Variants in RREB1 observed in about 807,000 individuals in gnomAD.
RREB1 encodes ras-responsive element-binding protein 1.
RREB1 carries 27 observed loss-of-function variants against 117.8 expected under a neutral mutation model. That is an observed-to-expected ratio of 0.23 (90% CI 0.17 to 0.32). The LOEUF is 0.32. Among genes scored for constraint, RREB1 ranks in the 10% least tolerant of loss-of-function variants. RREB1 has a pLI of 1.00. For missense variants in RREB1, 2,577 were observed against 2,378.2 expected, an observed-to-expected ratio of 1.08 and a Z score of -1.74; for synonymous variants, 1,298 against 1,026.7, an observed-to-expected ratio of 1.26 and a Z score of -5.05.
intron 9 of RREB1, among the ~76,000 whole-genome samples, chr6:7,227,749 G>A (rs1042548633): frequency 7.2e-5 from 11 of 152,092 alleles, no homozygotes; most frequent in Non-Finnish European, 1.5e-4. Flanking sequence ...TATATTCACT[G>A]CTAATAAAGC....
rs372258825 is a variant in RREB1, at chr6:7,230,023, C to A, written c.1924C>A (p.Leu642Ile). 2.5e-6 allele frequency: 4 copies of A among 1,611,206 alleles called. No individual in the cohort carries two copies. Among genetic ancestry groups the A allele is most frequent in the East Asian group, 2.2e-5 (1 of 44,782 alleles). ...GAAGACGCCCGCCATGCGCAAGGTG[C>A]TCTACCCCTGCCGCTTCTGCAACCA... ...GKKTPAMRKV[L>I]YPCRFCNQVF... Residue 642 changes from leucine (L) to isoleucine (I), a missense_variant, in exon 10 of 13, where the codon CTC becomes ATC. Leu to Ile is a conservative substitution (Grantham distance 5). Coordinates refer to ENST00000379938, the MANE Select transcript of RREB1 (RefSeq NM_001003699.4).
intron 11 of RREB1, among the ~76,000 whole-genome samples, 154 bp downstream of exon 11, chr6:7,240,756 C>G (rs1429927118): frequency 6.6e-6 from 1 of 152,164 alleles, no homozygotes; most frequent in Non-Finnish European, 1.5e-5. Context: ...AAGGCAGGCC[C>G]TGCTGATGAT....
rs772036564 is a variant in RREB1, at chr6:7,230,868, T to G, written c.2769T>G (p.Ser923=). 11 of 1,614,110 alleles carry G rather than the reference T, an allele frequency of 6.8e-6. No individual in the cohort carries two copies. In the East Asian group the frequency reaches 1.8e-4, roughly 26 times the overall value. The change falls in exon 10 of 13, where the codon TCT becomes TCG. Residue 923 remains serine, a synonymous_variant. Transcript: ENST00000379938. ...AAAACATCTCCTTTCTGAGCCCTTC[T>G]TCCCTGGTCCCCTATGACTGCTCCA... ...KQENISFLSP[S]SLVPYDCSME... is the part of the protein sequence containing the mutation.
Position 7,248,609 on chromosome 6 carries a change from A to G in RREB1, c.4870A>G (p.Lys1624Glu). 6.2e-7 allele frequency: 1 copy of G among 1,614,258 alleles called. No individual in the cohort carries two copies. The highest frequency in any genetic ancestry group is 8.5e-7 in the Non-Finnish European group (1 of 1,180,056). ...GATCCACCAGAAAGCCAGGCATGCC[A>G]AACACCACGGGAAGGACAGCGACAA... ...QRIHQKARHA[K>E]HHGKDSDKEE... The change falls in exon 13 of 13, where the codon AAA (lysine) becomes GAA (glutamate). Residue 1624 changes from lysine (K) to glutamate (E), a missense_variant. Physicochemically the swap from Lys to Glu is moderately conservative, Grantham distance 56. Coordinates refer to ENST00000379938, the MANE Select transcript of RREB1 (RefSeq NM_001003699.4).
intron 1 of RREB1, among the ~76,000 whole-genome samples, chr6:7,135,746 T>C (rs573562901): frequency 6.6e-6 from 1 of 152,306 alleles, no homozygotes; most frequent in South Asian, 2.1e-4. Context: ...TCAAAAACAT[T>C]TAACATGATC....
chr6:7,211,860 GA>G, intron 8 of RREB1, 151 bp downstream of exon 8: 14 of 796,490 alleles, frequency 1.8e-5, no homozygotes, highest in Admixed American at 2.7e-5. Context: ...TCGGTGTGGG[GA>G]AAAAGTTGGC....
intron 11 of RREB1, among the ~76,000 whole-genome samples, chr6:7,243,665 G>A (rs998923387): frequency 6.6e-6 from 1 of 152,164 alleles, no homozygotes; most frequent in African/African-American, 2.4e-5. Context: ...CCCCCTAGTG[G>A]GAGTTTGGTA....
chr6:7,164,870 C>T (rs1176872477), intron 1 of RREB1, among the ~76,000 whole-genome samples: 4 of 152,252 alleles, frequency 2.6e-5, no homozygotes, highest in Non-Finnish European at 5.9e-5. Flanking sequence ...TGGTGTTCTG[C>T]TTTCAGTTCC....
chr6:7,152,315 T>A (rs1393573312), intron 1 of RREB1, among the ~76,000 whole-genome samples: 1 of 152,206 alleles, frequency 6.6e-6, no homozygotes, highest in Non-Finnish European at 1.5e-5. Flanking sequence ...TTCTTATAAG[T>A]GGTGTATTAC....
At chr6:7,211,045 TACATCCTAAGCTCTTA>T in intron 7 of RREB1, 97 bp downstream of exon 7, 1 of 1,238,142 alleles carries the variant, frequency 8.1e-7, no homozygotes, top group South Asian at 1.4e-5. Context: ...TTGGCAGACA[TACATCCTAAGCTCTTA>T]ACGTGTGTTT....
At chr6:7,165,075 C>T (rs1763857497) in intron 1 of RREB1, among the ~76,000 whole-genome samples, 1 of 152,272 alleles carries the variant, frequency 6.6e-6, no homozygotes, top group South Asian at 2.1e-4. Context: ...GAAGCATTGG[C>T]CTCTCACACA....
At chr6:7,114,597 C>T (rs113907355) in intron 1 of RREB1, among the ~76,000 whole-genome samples, 9 of 152,124 alleles carry the variant, frequency 5.9e-5, no homozygotes, top group African/African-American at 2.2e-4. Context: ...AGAAAGCCTG[C>T]TTGAAAGGTA....
chr6:7,205,139 G>A (rs950701593), intron 6 of RREB1, among the ~76,000 whole-genome samples: 3 of 152,212 alleles, frequency 2.0e-5, no homozygotes, highest in African/African-American at 7.2e-5. Context: ...GAAGTTCACT[G>A]TGATCCCATG....
intron 1 of RREB1, among the ~76,000 whole-genome samples, chr6:7,116,813 C>T (rs563838104): frequency 2.3e-4 from 35 of 152,256 alleles, no homozygotes; most frequent in African/African-American, 8.4e-4. Flanking sequence ...CTTGTTAATG[C>T]CTGGTTGCAC....
At chr6:7,179,704 T>C (rs1764690900) in intron 2 of RREB1, among the ~76,000 whole-genome samples, 1 of 152,214 alleles carries the variant, frequency 6.6e-6, no homozygotes, top group Admixed American at 6.5e-5. Flanking sequence ...CACACTCATG[T>C]ATGCACTTTG....
intron 1 of RREB1, among the ~76,000 whole-genome samples, chr6:7,119,033 TG>T (rs1225281174): frequency 3.9e-5 from 6 of 152,026 alleles, no homozygotes; most frequent in African/African-American, 4.8e-5. Flanking sequence ...AAGGCTACTG[TG>T]TTAAGCACCA....
rs1306966293 is a variant in RREB1, at chr6:7,249,074, A to T, written c.*106A>T. The T allele has an allele frequency of 3.1e-5, 17 of 555,614 alleles. No individual in the cohort carries two copies. The highest frequency in any genetic ancestry group is 6.5e-4 in the Middle Eastern group (1 of 1,544). 34.4% of individuals were successfully genotyped at this position (555,614 alleles called of 1,614,324 possible). On this transcript the variant is annotated 3_prime_UTR_variant, in exon 13 of 13. Coordinates refer to ENST00000379938, the MANE Select transcript of RREB1 (RefSeq NM_001003699.4). ...GGCTGTTGAGGAGTGAGAGAGAGAG[A>T]GAGAGAGAGAGAGAGAGAGAGAGAG...
At position 7,230,685 on chromosome 6, in the gene RREB1, C is replaced by T. The variant is rs565688961; in HGVS notation, c.2586C>T (p.Phe862=). The T allele has an allele frequency of 1.0e-5, 16 of 1,593,424 alleles. No individual in the cohort carries two copies. Among genetic ancestry groups the T allele is most frequent in the African/African-American group, 1.3e-5 (1 of 74,438 alleles). The change falls in exon 10 of 13, where the codon TTC becomes TTT. Residue 862 remains phenylalanine, a synonymous_variant. Coordinates refer to ENST00000379938, the MANE Select transcript of RREB1 (RefSeq NM_001003699.4). ...GTGACTGCAAGCCCCTCACTGCCTT[C>T]CTGGAACCCCAGAACGGCTTTCTTC... ...ALGDCKPLTA[F]LEPQNGFLHR...
At chr6:7,244,737 T>C (rs1406113982) in intron 11 of RREB1, among the ~76,000 whole-genome samples, 1 of 152,198 alleles carries the variant, frequency 6.6e-6, no homozygotes, top group Non-Finnish European at 1.5e-5. Flanking sequence ...AATGAAATGA[T>C]GTAAGTAGCC....
Sources: gnomAD v4.1 joint callset for allele counts (sites outside exome capture counted in the v4.1 genomes callset) on GRCh38, gnomAD v4.1.1 for gene constraint, MANE v1.5 for transcripts, NCBI Gene and HGNC (gene_info 2026-07-23, HGNC 2026-07-21) for gene names.